CHD4: variants seen among roughly 807,000 people sequenced by gnomAD.
CHD4 encodes the protein chromodomain helicase DNA binding protein 4.
Under a neutral mutation model 235.5 loss-of-function variants are expected in CHD4, and 35 were observed. The observed-to-expected ratio is 0.15, with a 90% CI of 0.11 to 0.20. The LOEUF is 0.20. Ranked by LOEUF, CHD4 falls within the 10% of genes least tolerant of loss-of-function variation. The probability of loss-of-function intolerance (pLI) is 1.00; values close to 1 mark genes in which losing one functional copy is unlikely to be tolerated. For synonymous variants in CHD4, 900 were observed against 850.2 expected (o/e 1.06, Z -1.02); for missense variants, 1,329 against 2,432.3 (o/e 0.55, Z 9.54).
At chr12:6,598,188 T>C (rs1565615738) in intron 11 of CHD4, 34 bp downstream of exon 11, 2 of 1,609,200 alleles carry the variant, frequency 1.2e-6, no homozygotes, top group African/African-American at 1.3e-5. Flanking sequence ...CTCTTCATCG[T>C]AGCCCCTACA....
At position 6,600,376 on chromosome 12, in the gene CHD4, A is replaced by G. The variant is rs1422243619; in HGVS notation, c.1083T>C (p.Ala361=). The change falls in exon 9 of 40, where the codon GCT becomes GCC. Residue 361 remains alanine, a synonymous_variant. Coordinates refer to ENST00000544040, the MANE Select transcript of CHD4 (RefSeq NM_001273.5). Reference sequence around the variant, plus strand: ...GGTGGTCTGTCTCATAACCATCCACAGCAGTCACCTCCTCCTCGCCTGGGC... The same window carrying G: ...GGTGGTCTGTCTCATAACCATCCACGGCAGTCACCTCCTCCTCGCCTGGGC... ...KKKKGEEEVT[A]VDGYETDHQD... The G allele has an allele frequency of 6.2e-7, 1 of 1,614,024 alleles. No homozygotes were observed. Among genetic ancestry groups the G allele is most frequent in the East Asian group, 2.2e-5 (1 of 44,848 alleles).
chr12:6,574,697 G>A (rs1473110576), intron 37 of CHD4, among the ~76,000 whole-genome samples: 1 of 152,166 alleles, frequency 6.6e-6, no homozygotes, highest in Non-Finnish European at 1.5e-5. Flanking sequence ...GCTGATTTGT[G>A]AGAAATACCA....
intron 30 of CHD4, 97 bp from the exon 31 acceptor site, chr12:6,581,911 T>C: frequency 7.1e-7 from 1 of 1,403,342 alleles, no homozygotes; most frequent in Non-Finnish European, 9.5e-7. Flanking sequence ...CAAGCAATTC[T>C]CCTGCCTCAG....
At chr12:6,595,547 G>A in intron 13 of CHD4, 117 bp from the exon 14 acceptor site, 1 of 820,980 alleles carries the variant, frequency 1.2e-6, no homozygotes. Context: ...CAGCACTTTG[G>A]GAGGCTGAGA....
chr12:6,595,379 C>A lies in CHD4; in HGVS notation c.2076G>T (p.Val692=), dbSNP rs781517431. Residue 692 remains valine (V), a synonymous_variant, in exon 14 of 40, where the codon GTG becomes GTT. Coordinates refer to ENST00000544040, the MANE Select transcript of CHD4 (RefSeq NM_001273.5). ...GAGGCCTCTCCAACTTCCGAAGCTT[C>A]ACCTTCTTGAGCTTCTTGCCTGGTC... ...EGRPGKKLKK[V]KLRKLERPPE... is the part of the protein sequence containing the mutation. 2.5e-6 allele frequency: 4 copies of A among 1,614,158 alleles called. No homozygotes were observed. The South Asian group carries it at 4.4e-5, about 18-fold the overall frequency.
intron 37 of CHD4, 183 bp from the exon 38 acceptor site, chr12:6,573,452 T>C: frequency 4.9e-6 from 2 of 411,858 alleles, no homozygotes; most frequent in East Asian, 7.5e-5. Flanking sequence ...TTCTTTCCCT[T>C]TTTCAATGTC....
At chr12:6,588,475 T>C in intron 22 of CHD4, 53 bp from the exon 23 acceptor site, 2 of 1,593,096 alleles carry the variant, frequency 1.3e-6, no homozygotes, top group Admixed American at 1.7e-5. Context: ...TTCCAATTCA[T>C]AAATGTAGTT....
Position 6,578,294 on chromosome 12 carries a change from G to A in CHD4, c.5119+115C>T. The A allele has an allele frequency of 3.6e-6, 5 of 1,407,436 alleles. No homozygotes were observed. In the South Asian group the frequency reaches 6.1e-5, roughly 17 times the overall value. The allele number at this position is 1,407,436 out of a possible 1,614,324, so 87.2% of individuals were successfully genotyped here. A position where few individuals can be genotyped will look rare whatever the true frequency, so the allele number is the denominator to read the frequency against. ...CTCCACAGAACCCACTATCAGTTTG[G>A]CATTCCCTCATCAAACAGAGGTAAA... On this transcript the variant is annotated intron_variant, in intron 35 of 39. Coordinates refer to ENST00000544040, the MANE Select transcript of CHD4 (RefSeq NM_001273.5).
chr12:6,572,899 T>A, intron 38 of CHD4, 175 bp downstream of exon 38: 1 of 564,498 alleles, frequency 1.8e-6, no homozygotes. Flanking sequence ...GGCAAAGAAC[T>A]ACTGTCCTTG....
At chr12:6,585,949 A>C (rs1325379740) in intron 25 of CHD4, among the ~76,000 whole-genome samples, 2 of 152,032 alleles carry the variant, frequency 1.3e-5, no homozygotes, top group South Asian at 2.1e-4. Context: ...ACTATAAAAA[A>C]ATTAGCCGGG....
chr12:6,603,792 G>T (rs1052685369), intron 2 of CHD4, among the ~76,000 whole-genome samples: 1 of 152,056 alleles, frequency 6.6e-6, no homozygotes, highest in East Asian at 1.9e-4. Flanking sequence ...TTTAACAAAG[G>T]CTCAGTGGAC....
At chr12:6,592,326 G>A in intron 19 of CHD4, 67 bp downstream of exon 19, 1 of 1,512,280 alleles carries the variant, frequency 6.6e-7, no homozygotes, top group South Asian at 1.3e-5. Flanking sequence ...AGTGGGGGAG[G>A]AATAGGAAAC....
intron 1 of CHD4, 182 bp from the exon 2 acceptor site, chr12:6,606,633 G>GC (rs1248377512): frequency 5.3e-6 from 2 of 377,062 alleles, no homozygotes; most frequent in East Asian, 9.3e-5. Context: ...CCCGGCAGGC[G>GC]CCCCCACGGA....
chr12:6,570,700 A>G lies in CHD4; in HGVS notation c.5722-7T>C, dbSNP rs573952463. 63 of 1,614,092 alleles carry G rather than the reference A, an allele frequency of 3.9e-5. 1 individual carries two copies. The Middle Eastern group carries it at 9.9e-4, about 25-fold the overall frequency. ...TTCACTGCTGCTGGGCTACCTAGAGAAGGAGACCCGAGGAGTCAGAATTCC... is the reference window on the plus strand; with the variant it reads ...TTCACTGCTGCTGGGCTACCTAGAGGAGGAGACCCGAGGAGTCAGAATTCC... On this transcript the variant is annotated splice_polypyrimidine_tract_variant and splice_region_variant and intron_variant, in intron 39 of 39. Transcript: ENST00000544040.
Position 6,599,819 on chromosome 12 carries a change from G to T in CHD4, c.1436C>A (p.Pro479Gln), listed in dbSNP as rs1948559472. Reference protein sequence around the residue: ...SSYHIHCLNPPLPEIPNGEWL... With the variant: ...SSYHIHCLNPQLPEIPNGEWL... ...TTCACCGTTGGGGATCTCTGGAAGT[G>T]GGGGATTCAGGCAGTGGATGTGGTA... Residue 479 changes from proline to glutamine, a missense_variant, in exon 10 of 40, where the codon CCA becomes CAA. By Grantham distance (76) the Pro-to-Gln change is moderately conservative. Transcript: ENST00000544040. 1 of 1,614,124 alleles carries T rather than the reference G, an allele frequency of 6.2e-7. No individual in the cohort carries two copies.
At chr12:6,573,511 TA>T (rs1168943435) in intron 37 of CHD4, 1 of 309,256 alleles carries the variant, frequency 3.2e-6, no homozygotes, top group Admixed American at 5.1e-5. Context: ...ACAAAAGCGA[TA>T]AAAACTCAAT....
In CHD4 at chr12:6,593,073, C is replaced by A. The variant is rs200457661; in HGVS notation, c.2652+18G>T. Reference sequence around the variant, plus strand: ...AAACCCAAAGTGGGGGCTCCAACATCCCTCCCTCAGCCCTCACCTTAGACT... The same window carrying A: ...AAACCCAAAGTGGGGGCTCCAACATACCTCCCTCAGCCCTCACCTTAGACT... On this transcript the variant is annotated intron_variant, in intron 17 of 39. Transcript: ENST00000544040. The surrounding 1 kb of genome is among the most constrained non-coding windows in gnomAD (Gnocchi z 4.9). The A allele has an allele frequency of 1.7e-4, 275 of 1,612,124 alleles. No homozygotes were observed. The highest frequency in any genetic ancestry group is 2.3e-4 in the Non-Finnish European group (266 of 1,179,216).
rs778223209 is a variant in CHD4, at chr12:6,596,035, G to C, written c.1995C>G (p.Asp665Glu). 5 of 1,613,518 alleles carry C rather than the reference G, an allele frequency of 3.1e-6. No individual in the cohort carries two copies. The highest frequency in any genetic ancestry group is 1.3e-5 in the African/African-American group (1 of 74,770). Residue 665 changes from aspartate (D) to glutamate (E), a missense_variant, in exon 13 of 40, where the codon GAC becomes GAG. Asp to Glu is a conservative substitution (Grantham distance 45). Coordinates refer to ENST00000544040, the MANE Select transcript of CHD4 (RefSeq NM_001273.5). ...ESEDVEIQDY[D>E]LFKQSYWNHR... ...GATTCCAATAGCTCTGCTTGAACAG[G>C]TCGTAATCCTGGATCTCCACATCCT...
chr12:6,571,300 T>C, intron 38 of CHD4: 1 of 383,820 alleles, frequency 2.6e-6, no homozygotes, highest in Admixed American at 4.3e-5. Flanking sequence ...TATTCGTTTT[T>C]TCTCTTCTCT....
Sources: gnomAD v4.1 joint callset for allele counts (sites outside exome capture counted in the v4.1 genomes callset) on GRCh38, gnomAD v4.1.1 for gene constraint, Gnocchi (gnomAD v3.1) non-coding constraint, MANE v1.5 for transcripts, NCBI Gene and HGNC (gene_info 2026-07-23, HGNC 2026-07-21) for gene names.